Variants in MSRA observed in about 807,000 individuals in gnomAD.
The protein encoded by MSRA is methionine sulfoxide reductase A.
A neutral mutation model predicts 31.3 loss-of-function variants in MSRA; 54 were observed. That is an observed-to-expected ratio of 1.73 (90% CI 1.39 to 2.17). MSRA has a LOEUF of 2.17. Ranked by LOEUF, MSRA falls within the 30% of genes most tolerant of loss-of-function variation. MSRA has a pLI of 0.00. For missense variants in MSRA, 507 were observed against 300.9 expected (o/e 1.69, Z -5.07); for synonymous variants, 169 against 116.5 (o/e 1.45, Z -2.90).
intron 1 of MSRA, among the ~76,000 whole-genome samples, chr8:10,103,311 C>G (rs1799656974): frequency 6.6e-6 from 1 of 152,138 alleles, no homozygotes; most frequent in Non-Finnish European, 1.5e-5. Context: ...TTTGTGAATT[C>G]AAACCTGTAG....
chr8:10,064,163 T>G (rs1797342904), intron 1 of MSRA, among the ~76,000 whole-genome samples: 1 of 152,192 alleles, frequency 6.6e-6, no homozygotes, highest in Non-Finnish European at 1.5e-5. Context: ...TGATCAGAGT[T>G]CTCAGATTCC....
chr8:10,331,581 C>T (rs1802703107), intron 5 of MSRA, among the ~76,000 whole-genome samples: 2 of 152,164 alleles, frequency 1.3e-5, no homozygotes, highest in African/African-American at 4.8e-5. Flanking sequence ...AGTCATTTGA[C>T]ACTGAATTCC....
chr8:10,176,230 C>T (rs1479155851), intron 1 of MSRA, among the ~76,000 whole-genome samples: 6 of 152,226 alleles, frequency 3.9e-5, no homozygotes, highest in Non-Finnish European at 7.3e-5. Flanking sequence ...ACTGAAGTTT[C>T]AGGAGAGCCT....
In MSRA at chr8:10,320,276, T is replaced by A. The variant is rs1434571926; in HGVS notation, c.543+287T>A. The A allele has an allele frequency of 3.7e-5, 8 of 215,896 alleles. No individual in the cohort carries two copies. The East Asian group carries it at 7.8e-4, about 21-fold the overall frequency. The allele number at this position is 215,896 out of a possible 1,614,324, so 13.4% of individuals were successfully genotyped here. ...TGAGGCCAGGAGTTCGAGACCAGCCTGGGCAACATGAAGAAACCCCATCTC... is the reference window on the plus strand; with the variant it reads ...TGAGGCCAGGAGTTCGAGACCAGCCAGGGCAACATGAAGAAACCCCATCTC... On this transcript the variant is annotated intron_variant, in intron 5 of 5. Coordinates refer to ENST00000317173, the MANE Select transcript of MSRA (RefSeq NM_012331.5).
At chr8:10,272,563 T>A (rs149950237) in intron 3 of MSRA, among the ~76,000 whole-genome samples, 2 of 152,326 alleles carry the variant, frequency 1.3e-5, no homozygotes, top group African/African-American at 4.8e-5. Flanking sequence ...CGGATTCAAA[T>A]GCTAATGTCA....
chr8:10,251,875 C>T (rs1168242942), intron 3 of MSRA, among the ~76,000 whole-genome samples: 1 of 146,832 alleles, frequency 6.8e-6, no homozygotes, highest in Non-Finnish European at 1.5e-5. Flanking sequence ...GGGGGGGGGA[C>T]ATAGGTCATG....
chr8:10,334,188 ATG>A (rs61031081), intron 5 of MSRA, among the ~76,000 whole-genome samples: 57,194 of 136,776 alleles, frequency 0.42, 11,038 homozygotes, highest in Admixed American at 0.52. Flanking sequence ...GTGTGTATTT[ATG>A]TGTGTGTGTG....
At chr8:10,178,621 C>T (rs1047912321) in intron 1 of MSRA, among the ~76,000 whole-genome samples, 2 of 152,100 alleles carry the variant, frequency 1.3e-5, no homozygotes, top group Non-Finnish European at 2.9e-5. Context: ...TGACTGAAAG[C>T]ATAGATTGAC....
At position 10,091,728 on chromosome 8, in the gene MSRA, TCCCA is replaced by T. The variant is rs1258144631; in HGVS notation, c.142+37071_142+37074del. On this transcript the variant is annotated intron_variant, in intron 1 of 5. Coordinates refer to ENST00000317173, the MANE Select transcript of MSRA (RefSeq NM_012331.5). ...TTCAAGTGATTCTCGTGCCTCAGCATCCCAAGTAGCTGGGATTAAAGATGCGTGC... is the reference window on the plus strand; with the variant it reads ...TTCAAGTGATTCTCGTGCCTCAGCATAGTAGCTGGGATTAAAGATGCGTGC... 2.7e-5 allele frequency among the ~76,000 whole-genome samples: 4 copies of T among 150,934 alleles called. No individual in the cohort carries two copies. In the South Asian group the frequency reaches 8.7e-4, roughly 33 times the overall value.
At chr8:10,094,942 C>T (rs567131522) in intron 1 of MSRA, among the ~76,000 whole-genome samples, 27 of 152,286 alleles carry the variant, frequency 1.8e-4, no homozygotes, top group African/African-American at 5.5e-4. Flanking sequence ...AAGAACTCTT[C>T]TCCCCTGTAC....
chr8:10,324,636 TCTTAG>T (rs1802258015), intron 5 of MSRA, among the ~76,000 whole-genome samples: 1 of 152,188 alleles, frequency 6.6e-6, no homozygotes, highest in Admixed American at 6.5e-5. Context: ...GTGATTTTTA[TCTTAG>T]CTTAGCTTAG....
chr8:10,254,801 A>G (rs940102714), intron 3 of MSRA, among the ~76,000 whole-genome samples: 2 of 152,236 alleles, frequency 1.3e-5, no homozygotes, highest in African/African-American at 4.8e-5. Flanking sequence ...GCATTTTAGG[A>G]TAATTTAAAA....
At chr8:10,305,407 T>C (rs1335167790) in intron 4 of MSRA, among the ~76,000 whole-genome samples, 1 of 130,892 alleles carries the variant, frequency 7.6e-6, no homozygotes, top group Non-Finnish European at 1.6e-5. Flanking sequence ...TGTGTTTTCT[T>C]CCTTTTTTTT....
At chr8:10,401,861 C>T (rs1370779376) in intron 5 of MSRA, among the ~76,000 whole-genome samples, 1 of 152,002 alleles carries the variant, frequency 6.6e-6, no homozygotes, top group Non-Finnish European at 1.5e-5. Flanking sequence ...TAGTCAAATT[C>T]ATAGAGATAG....
intron 5 of MSRA, among the ~76,000 whole-genome samples, chr8:10,360,481 G>T (rs1022350594): frequency 6.6e-6 from 1 of 152,146 alleles, no homozygotes; most frequent in Non-Finnish European, 1.5e-5. Context: ...TGATTTTTCT[G>T]GGAGACATTG....
At chr8:10,248,599 T>C (rs1797753898) in intron 3 of MSRA, among the ~76,000 whole-genome samples, 1 of 152,106 alleles carries the variant, frequency 6.6e-6, no homozygotes, top group South Asian at 2.1e-4. Flanking sequence ...GTAGAAGCAG[T>C]GTGTGTCCAG....
intron 5 of MSRA, among the ~76,000 whole-genome samples, chr8:10,403,386 C>T (rs530804091): frequency 2.3e-4 from 35 of 152,290 alleles, no homozygotes; most frequent in Admixed American, 1.7e-3. Flanking sequence ...TCCACATGCT[C>T]ATGCCATACT....
intron 5 of MSRA, among the ~76,000 whole-genome samples, chr8:10,354,447 T>C (rs551562087): frequency 1.3e-5 from 2 of 152,340 alleles, no homozygotes; most frequent in South Asian, 2.1e-4. Flanking sequence ...TTTGTTTTAC[T>C]TTTTGATTAT....
At chr8:10,295,472 G>C (rs1255469365) in intron 3 of MSRA, among the ~76,000 whole-genome samples, 2 of 152,146 alleles carry the variant, frequency 1.3e-5, no homozygotes, top group East Asian at 3.9e-4. Context: ...GTGACCCTTG[G>C]AGGCCCCCTT....
Sources: allele counts gnomAD v4.1 joint callset (sites outside exome capture counted in the v4.1 genomes callset), GRCh38; gene constraint gnomAD v4.1.1; transcripts MANE v1.5; gene names NCBI Gene and HGNC (gene_info 2026-07-23, HGNC 2026-07-21).